The following ACOX1 variants were observed in gnomAD, a reference collection of about 807,000 sequenced individuals.
The protein encoded by ACOX1 is peroxisomal acyl-coenzyme A oxidase 1.
A neutral mutation model predicts 75.5 loss-of-function variants in ACOX1; 41 were observed. The observed-to-expected ratio is 0.54, with a 90% CI of 0.42 to 0.70. The LOEUF (loss-of-function observed/expected upper bound fraction) is 0.70. Ranked by LOEUF, ACOX1 falls within the 30% of genes least tolerant of loss-of-function variation. The probability of loss-of-function intolerance (pLI) is 0.00; values close to 1 mark genes in which losing one functional copy is unlikely to be tolerated. For synonymous variants in ACOX1, 303 were observed against 298.8 expected, an observed-to-expected ratio of 1.01 and a Z score of -0.15; for missense variants, 630 against 837.5, an observed-to-expected ratio of 0.75 and a Z score of 3.06.
Position 75,950,952 on chromosome 17 carries a change from T to C in ACOX1, c.1120A>G (p.Thr374Ala), listed in dbSNP as rs763694101. The C allele has an allele frequency of 5.0e-6, 8 of 1,613,958 alleles. No homozygotes were observed. In the South Asian group the frequency reaches 6.6e-5, roughly 13 times the overall value. Residue 374 changes from threonine to alanine, a missense_variant, in exon 9 of 14, where the codon ACC (threonine) becomes GCC (alanine). This residue lies in a region of ACOX1 where 390 missense variants were observed against 574.9 expected (regional missense o/e 0.68). Coordinates refer to ENST00000293217, the MANE Select transcript of ACOX1 (RefSeq NM_004035.7). This position sits in a 1 kb window ranked among gnomAD's most constrained non-coding sequence, Gnocchi z 4.3. ...LSELPELHAL[T>A]AGLKAFTSWT... ...GAGGTGAAAGCCTTCAGTCCAGCGGTGAGGGCATGAAGCTGAGAGGACAAG... is the reference window on the plus strand; with the variant it reads ...GAGGTGAAAGCCTTCAGTCCAGCGGCGAGGGCATGAAGCTGAGAGGACAAG...
chr17:75,951,886 C>T (rs2065778290), intron 7 of ACOX1, among the ~76,000 whole-genome samples: 1 of 135,338 alleles, frequency 7.4e-6, no homozygotes, highest in African/African-American at 2.8e-5. Context: ...GCGATCTTGG[C>T]TCACTGCAAG....
intron 7 of ACOX1, chr17:75,953,185 A>G: frequency 2.7e-6 from 1 of 365,254 alleles, no homozygotes; most frequent in Non-Finnish European, 5.3e-6. Flanking sequence ...TAATATTATT[A>G]CTATTTTTCT....
At chr17:75,966,022 C>G (rs192035198) in intron 2 of ACOX1, among the ~76,000 whole-genome samples, 2 of 151,648 alleles carry the variant, frequency 1.3e-5, no homozygotes, top group South Asian at 4.2e-4. Context: ...CCCAGCTACT[C>G]GGGAGGCTAA....
At chr17:75,948,228 G>C (rs753555853) in intron 13 of ACOX1, 23 bp downstream of exon 13, 1 of 1,610,826 alleles carries the variant, frequency 6.2e-7, no homozygotes, top group Non-Finnish European at 8.5e-7. Flanking sequence ...TTTTAAAAAG[G>C]TGCAGAGACA....
In ACOX1 at chr17:75,978,279, G is replaced by C. The variant is rs186235129; in HGVS notation, c.269+255C>G. Reference sequence around the variant, plus strand: ...CCGGCTAATTTTTGTATTTTCAGTAGAGATGGGGTTTCACCGTGTTAGCCA... The same window carrying C: ...CCGGCTAATTTTTGTATTTTCAGTACAGATGGGGTTTCACCGTGTTAGCCA... On this transcript the variant is annotated intron_variant, in intron 2 of 13. Coordinates refer to ENST00000293217, the MANE Select transcript of ACOX1 (RefSeq NM_004035.7). The surrounding 1 kb of genome is among the most constrained non-coding windows in gnomAD (Gnocchi z 4.2). 6.6e-6 allele frequency among the ~76,000 whole-genome samples: 1 copy of C among 152,114 alleles called. No homozygotes were observed. Among genetic ancestry groups the C allele is most frequent in the Non-Finnish European group, 1.5e-5 (1 of 68,012 alleles).
intron 2 of ACOX1, among the ~76,000 whole-genome samples, chr17:75,965,726 G>T (rs374813565): frequency 6.6e-6 from 1 of 152,024 alleles, no homozygotes; most frequent in African/African-American, 2.4e-5. Context: ...TCAACTACTC[G>T]GGAGACTGAG....
chr17:75,967,502 T>A (rs914823032), intron 2 of ACOX1, among the ~76,000 whole-genome samples: 1 of 149,702 alleles, frequency 6.7e-6, no homozygotes, highest in Admixed American at 6.7e-5. Flanking sequence ...CTATCCAAGT[T>A]ATGGAAAAGA....
rs370649498 is a variant in ACOX1, at chr17:75,950,748, G to A, written c.1298+26C>T. The A allele has an allele frequency of 6.1e-4, 977 of 1,608,194 alleles. 3 individuals carry two copies. Among genetic ancestry groups the A allele is most frequent in the Non-Finnish European group, 8.1e-4 (954 of 1,175,080 alleles). Reference sequence around the variant, plus strand: ...ACTAGAACATTCTTATGAACAGATGGGAGGAATCGAGGATTTGACTCTCAC... The same window carrying A: ...ACTAGAACATTCTTATGAACAGATGAGAGGAATCGAGGATTTGACTCTCAC... On this transcript the variant is annotated intron_variant, in intron 9 of 13. Transcript: ENST00000293217. This position sits in a 1 kb window ranked among gnomAD's most constrained non-coding sequence, Gnocchi z 4.3.
Position 75,978,764 on chromosome 17 carries a change from C to A in ACOX1, c.110-71G>T. ...CCTCCGTTCCACCCTCCCTGAATCA[C>A]AATAGGCTTCAGAGTCGCGGACACA... On this transcript the variant is annotated intron_variant, in intron 1 of 13. Transcript: ENST00000293217. The surrounding 1 kb of genome is among the most constrained non-coding windows in gnomAD (Gnocchi z 4.2). 4.3e-6 allele frequency: 7 copies of A among 1,611,320 alleles called. No homozygotes were observed. Among genetic ancestry groups the A allele is most frequent in the Non-Finnish European group, 5.1e-6 (6 of 1,179,920 alleles).
rs570207293 is a variant in ACOX1, at chr17:75,963,147, G to A, written c.270-2772C>T. On this transcript the variant is annotated intron_variant, in intron 2 of 13. Transcript: ENST00000293217. ...GTCTCGAAAAACAAAAAACAACAAC[G>A]AACAAAACAGACACTGGAGGCTCCA... Among the ~76,000 whole-genome samples the A allele has an allele frequency of 2.0e-5, 3 of 151,966 alleles. 1 individual carries two copies. The highest frequency in any genetic ancestry group is 4.8e-5 in the African/African-American group (2 of 41,472).
At position 75,978,034 on chromosome 17, in the gene ACOX1, G is replaced by A. The variant is rs1340545115; in HGVS notation, c.269+500C>T. Reference sequence around the variant, plus strand: ...GCATTCTACAAACACGTCATCCCACGAAAAGGCTTGGATACAAAAGTGATC... The same window carrying A: ...GCATTCTACAAACACGTCATCCCACAAAAAGGCTTGGATACAAAAGTGATC... On this transcript the variant is annotated intron_variant, in intron 2 of 13. Transcript: ENST00000293217. This position sits in a 1 kb window ranked among gnomAD's most constrained non-coding sequence, Gnocchi z 4.2. Among the ~76,000 whole-genome samples the A allele has an allele frequency of 6.6e-6, 1 of 152,076 alleles. No individual in the cohort carries two copies. Among genetic ancestry groups the A allele is most frequent in the African/African-American group, 2.4e-5 (1 of 41,402 alleles).
intron 2 of ACOX1, among the ~76,000 whole-genome samples, chr17:75,962,533 T>G (rs1389465375): frequency 1.3e-5 from 2 of 152,164 alleles, no homozygotes; most frequent in Non-Finnish European, 2.9e-5. Flanking sequence ...GACAGTTCAG[T>G]TTTTAAATTG....
intron 13 of ACOX1, among the ~76,000 whole-genome samples, chr17:75,947,708 A>T (rs1288306289): frequency 7.2e-6 from 1 of 138,448 alleles, no homozygotes; most frequent in African/African-American, 2.8e-5. Context: ...GTGTGTGTGT[A>T]TACTTTTTTT....
Position 75,946,468 on chromosome 17 carries a change from C to T in ACOX1, c.*280G>A, listed in dbSNP as rs2065721318. The T allele has an allele frequency of 2.4e-6, 1 of 424,844 alleles. No homozygotes were observed. Among genetic ancestry groups the T allele is most frequent in the Non-Finnish European group, 4.4e-6 (1 of 226,976 alleles). The allele number at this position is 424,844 out of a possible 1,614,324, so 26.3% of individuals were successfully genotyped here. A position where few individuals can be genotyped will look rare whatever the true frequency, so the allele number is the denominator to read the frequency against. ...TTAAATTCTGCTAATTATCAAAAGTCATAGTCTACTGGGATCAGCAGCATT... is the reference window on the plus strand; with the variant it reads ...TTAAATTCTGCTAATTATCAAAAGTTATAGTCTACTGGGATCAGCAGCATT... On this transcript the variant is annotated 3_prime_UTR_variant, in exon 14 of 14. Transcript: ENST00000293217.
rs2065874723 is a variant in ACOX1, at chr17:75,960,212, T to C, written c.430+3A>G. ...CCCAGAAGGTAGACTGAATACTCCA[T>C]ACCATGACCCATCTCTGTCTGGGCA... is the stretch of plus-strand genomic sequence containing the variant. On this transcript the variant is annotated splice_donor_region_variant and intron_variant, in intron 3 of 13. Coordinates refer to ENST00000293217, the MANE Select transcript of ACOX1 (RefSeq NM_004035.7). The surrounding 1 kb of genome is among the most constrained non-coding windows in gnomAD (Gnocchi z 4.4). 6.2e-7 allele frequency: 1 copy of C among 1,613,882 alleles called. No individual in the cohort carries two copies. Among genetic ancestry groups the C allele is most frequent in the Admixed American group, 1.7e-5 (1 of 59,988 alleles).
At chr17:75,952,423 T>C (rs1436005546) in intron 7 of ACOX1, among the ~76,000 whole-genome samples, 4 of 151,392 alleles carry the variant, frequency 2.6e-5, no homozygotes, top group Non-Finnish European at 4.4e-5. Flanking sequence ...GTCTCCCGAG[T>C]AGCTGGAATT....
intron 2 of ACOX1, among the ~76,000 whole-genome samples, chr17:75,967,807 C>T (rs2065952962): frequency 6.7e-6 from 1 of 150,138 alleles, no homozygotes; most frequent in African/African-American, 2.4e-5. Flanking sequence ...GTGGCACGAT[C>T]TCGGCTCACT....
intron 2 of ACOX1, among the ~76,000 whole-genome samples, chr17:75,971,224 G>A (rs941888179): frequency 6.6e-6 from 1 of 151,674 alleles, no homozygotes; most frequent in East Asian, 1.9e-4. Flanking sequence ...CTGGGAGGCG[G>A]AGGTTGCGGG....
At chr17:75,957,703 G>A in intron 3 of ACOX1, 137 bp from the exon 4 acceptor site, 2 of 649,682 alleles carry the variant, frequency 3.1e-6, no homozygotes, top group Non-Finnish European at 5.5e-6. Context: ...CTGTAGATGA[G>A]CTACAACTGG....
Sources: gnomAD v4.1 joint callset for allele counts (sites outside exome capture counted in the v4.1 genomes callset) on GRCh38, gnomAD v4.1.1 for gene constraint, gnomAD v4.1.1 regional missense constraint, Gnocchi (gnomAD v3.1) non-coding constraint, MANE v1.5 for transcripts, NCBI Gene and HGNC (gene_info 2026-07-23, HGNC 2026-07-21) for gene names.